RORC: variants seen among roughly 807,000 people sequenced by gnomAD.
RORC encodes the protein nuclear receptor ROR-gamma.
In RORC, 13 loss-of-function variants were observed where a neutral mutation model predicts 64.5. The observed-to-expected ratio is 0.20, with a 90% CI of 0.13 to 0.32. RORC has a LOEUF of 0.32. Among genes scored for constraint, RORC ranks in the 10% least tolerant of loss-of-function variants. The pLI is 1.00. For missense variants in RORC, 468 were observed against 669.5 expected (o/e 0.70, Z 3.32); for synonymous variants, 277 against 259.3 (o/e 1.07, Z -0.65).
intron 10 of RORC, among the ~76,000 whole-genome samples, chr1:151,808,765 A>G (rs914828352): frequency 6.6e-6 from 1 of 152,176 alleles, no homozygotes; most frequent in Non-Finnish European, 1.5e-5. Context: ...ATAAATATGT[A>G]GTGTATCAGA....
chr1:151,829,566 T>TG, intron 1 of RORC, 108 bp from the exon 2 acceptor site: 3 of 1,108,690 alleles, frequency 2.7e-6, no homozygotes, highest in Non-Finnish European at 3.7e-6. Context: ...CCTCAGAGCC[T>TG]GGCGTCTGAA....
At chr1:151,809,176 A>G (rs1651423902) in intron 10 of RORC, among the ~76,000 whole-genome samples, 1 of 152,192 alleles carries the variant, frequency 6.6e-6, no homozygotes, top group Admixed American at 6.5e-5. Flanking sequence ...AGGTGGGCAG[A>G]TCACCTGAGG....
intron 10 of RORC, among the ~76,000 whole-genome samples, chr1:151,809,030 G>T (rs1651417048): frequency 6.6e-6 from 1 of 152,170 alleles, no homozygotes; most frequent in Non-Finnish European, 1.5e-5. Context: ...CAGGGATCAT[G>T]TTATGAGCCA....
intron 4 of RORC, among the ~76,000 whole-genome samples, chr1:151,815,797 G>T (rs901948984): frequency 6.6e-6 from 1 of 152,208 alleles, no homozygotes; most frequent in African/African-American, 2.4e-5. Context: ...GCCTCTTTGG[G>T]AGGGTCGGAG....
intron 6 of RORC, 57 bp from the exon 7 acceptor site, chr1:151,813,677 T>C: frequency 1.3e-6 from 2 of 1,580,464 alleles, no homozygotes; most frequent in Non-Finnish European, 1.7e-6. Context: ...GTGATCCTCC[T>C]GAGCCCTGGA....
At chr1:151,831,678 C>T (rs753488531) in intron 1 of RORC, 47 bp downstream of exon 1, 6 of 1,610,064 alleles carry the variant, frequency 3.7e-6, no homozygotes, top group South Asian at 2.2e-5. Flanking sequence ...CTCCTCTGAA[C>T]CTCCAGCAGT....
intron 1 of RORC, 118 bp from the exon 2 acceptor site, chr1:151,829,576 A>AG (rs1652330421): frequency 2.1e-6 from 2 of 939,464 alleles, no homozygotes; most frequent in South Asian, 4.6e-5. Context: ...TGGCGTCTGA[A>AG]GGGCAGGCAG....
At chr1:151,826,591 A>T (rs553427012) in intron 2 of RORC, among the ~76,000 whole-genome samples, 1 of 152,292 alleles carries the variant, frequency 6.6e-6, no homozygotes, top group Admixed American at 6.5e-5. Context: ...CACCACATAT[A>T]TCTTGCGCTA....
In RORC at chr1:151,813,591, G is replaced by C; in HGVS notation, c.963C>G (p.Ala321=). ...KSMWEMWERC[A]HHLTEAIQYV... The stretch of plus-strand genomic sequence containing the variant: ...ACTGAATGGCCTCGGTGAGGTGGTG[G>C]GCACACCGTTCCCACATCTCCCACA... Residue 321 remains alanine (A), a synonymous_variant, in exon 7 of 11, where the codon GCC becomes GCG. Transcript: ENST00000318247. 1 of 1,614,110 alleles carries C rather than the reference G, an allele frequency of 6.2e-7. No individual in the cohort carries two copies. The highest frequency in any genetic ancestry group is 2.2e-5 in the East Asian group (1 of 44,870).
chr1:151,824,143 C>T (rs185181258), intron 2 of RORC, among the ~76,000 whole-genome samples: 19 of 152,294 alleles, frequency 1.2e-4, no homozygotes, highest in Admixed American at 2.0e-4. Context: ...TTGCCATCGG[C>T]GGTTGGAGGG....
intron 7 of RORC, 32 bp from the exon 8 acceptor site, chr1:151,813,378 G>A (rs765734233): frequency 1.2e-6 from 2 of 1,610,114 alleles, no homozygotes; most frequent in South Asian, 1.1e-5. Context: ...TGCAGGGACA[G>A]TGTCAAGCAA....
At chr1:151,812,638 G>A (rs1178545682) in intron 9 of RORC, 1 of 278,150 alleles carries the variant, frequency 3.6e-6, no homozygotes, top group Non-Finnish European at 6.9e-6. Flanking sequence ...TCTGATGTGT[G>A]CTACAATGAA....
intron 2 of RORC, among the ~76,000 whole-genome samples, chr1:151,822,177 G>A (rs943457503): frequency 1.3e-5 from 2 of 151,180 alleles, no homozygotes; most frequent in African/African-American, 4.9e-5. Context: ...CCACAGCTCC[G>A]GTCAGGGGTC....
chr1:151,828,964 G>A (rs541363917), intron 2 of RORC, among the ~76,000 whole-genome samples: 1 of 135,896 alleles, frequency 7.4e-6, no homozygotes, highest in South Asian at 2.6e-4. Flanking sequence ...AGGCGACAGT[G>A]TGAGACTCTG....
chr1:151,814,360 C>T, intron 6 of RORC: 1 of 519,652 alleles, frequency 1.9e-6, no homozygotes, highest in Non-Finnish European at 3.4e-6. Flanking sequence ...TTTTAATAGG[C>T]AAGAACTAAG....
intron 2 of RORC, among the ~76,000 whole-genome samples, chr1:151,818,654 C>T (rs1280197281): frequency 6.6e-6 from 1 of 152,214 alleles, no homozygotes; most frequent in African/African-American, 2.4e-5. Context: ...GCTGCCTCCC[C>T]TCTGAGTGGG....
At chr1:151,820,093 C>G (rs1651927914) in intron 2 of RORC, among the ~76,000 whole-genome samples, 1 of 152,120 alleles carries the variant, frequency 6.6e-6, no homozygotes, top group Non-Finnish European at 1.5e-5. Flanking sequence ...TTTGCCCAAC[C>G]CATGGCCCCC....
In RORC at chr1:151,830,376, G is replaced by T. The variant is rs1652358657; in HGVS notation, c.41-918C>A. On this transcript the variant is annotated intron_variant, in intron 1 of 10. Transcript: ENST00000318247. This position sits in a 1 kb window ranked among gnomAD's most constrained non-coding sequence, Gnocchi z 4.0. ...CTGGAGCATGGTTGGTGGGTGGGGG[G>T]GTGTCACCCATTCATGCAGTTAACA... is the stretch of plus-strand genomic sequence containing the variant. 6.6e-6 allele frequency among the ~76,000 whole-genome samples: 1 copy of T among 151,758 alleles called. No individual in the cohort carries two copies. Among genetic ancestry groups the T allele is most frequent in the African/African-American group, 2.4e-5 (1 of 41,278 alleles).
At chr1:151,826,915 C>T (rs1034470915) in intron 2 of RORC, among the ~76,000 whole-genome samples, 5 of 152,128 alleles carry the variant, frequency 3.3e-5, no homozygotes, top group Admixed American at 6.5e-5. Context: ...GTTAGGAGTT[C>T]GAGACCGGCC....
Sources: allele counts gnomAD v4.1 joint callset (sites outside exome capture counted in the v4.1 genomes callset), GRCh38; gene constraint gnomAD v4.1.1; non-coding constraint Gnocchi (gnomAD v3.1); transcripts MANE v1.5; gene names NCBI Gene and HGNC (gene_info 2026-07-23, HGNC 2026-07-21).